Variants in CSPP1 observed in about 807,000 individuals in gnomAD.
The protein encoded by CSPP1 is centrosome and spindle pole-associated protein 1.
Under a neutral mutation model 164.4 loss-of-function variants are expected in CSPP1, and 126 were observed. The observed-to-expected ratio is 0.77, with a 90% CI of 0.66 to 0.89. The LOEUF is 0.89. CSPP1 is among the 40% of genes least tolerant of loss of function. The pLI, the probability that CSPP1 is intolerant of heterozygous loss-of-function variation, is 0.00. For synonymous variants in CSPP1, 472 were observed against 476.7 expected (o/e 0.99, Z 0.13); for missense variants, 1,395 against 1,449.8 (o/e 0.96, Z 0.61).
In CSPP1 at chr8:67,092,301, C is replaced by T. The variant is rs796629693; in HGVS notation, c.384+418C>T. Among the ~76,000 whole-genome samples, 7 of 152,284 alleles carry T rather than the reference C, an allele frequency of 4.6e-5. No individual in the cohort carries two copies. The East Asian group carries it at 9.6e-4, about 21-fold the overall frequency. On this transcript the variant is annotated intron_variant, in intron 5 of 30. Coordinates refer to ENST00000678616, the MANE Select transcript of CSPP1 (RefSeq NM_001382391.1). ...GTGATTCTGACACTCCATTAATACACGTCCATATTCCTTAGAGATGAAAGT... is the reference window on the plus strand; with the variant it reads ...GTGATTCTGACACTCCATTAATACATGTCCATATTCCTTAGAGATGAAAGT...
intron 5 of CSPP1, among the ~76,000 whole-genome samples, chr8:67,092,358 C>T (rs1811788451): frequency 6.6e-6 from 1 of 152,156 alleles, no homozygotes; most frequent in Non-Finnish European, 1.5e-5. Flanking sequence ...TGTAGTGACT[C>T]AGGTCTCACC....
intron 28 of CSPP1, among the ~76,000 whole-genome samples, chr8:67,183,398 A>G (rs1471165838): frequency 1.3e-5 from 2 of 152,250 alleles, no homozygotes; most frequent in African/African-American, 4.8e-5. Context: ...CAATCTGGGC[A>G]AGAAAACAAA....
At chr8:67,099,908 G>A (rs573165022) in intron 7 of CSPP1, among the ~76,000 whole-genome samples, 11 of 151,586 alleles carry the variant, frequency 7.3e-5, no homozygotes, top group African/African-American at 2.2e-4. Context: ...TTTTTTTTAG[G>A]TCTTACATTG....
At chr8:67,097,610 T>C (rs930048559) in intron 7 of CSPP1, among the ~76,000 whole-genome samples, 1 of 152,142 alleles carries the variant, frequency 6.6e-6, no homozygotes, top group South Asian at 2.1e-4. Context: ...TTTCCCTTTA[T>C]GGTGTTTGTT....
intron 3 of CSPP1, among the ~76,000 whole-genome samples, chr8:67,085,323 G>T (rs1810157671): frequency 6.6e-6 from 1 of 150,888 alleles, no homozygotes; most frequent in African/African-American, 2.4e-5. Flanking sequence ...AACTTTAGAA[G>T]TTTTTAGGAA....
At chr8:67,076,864 T>TGA (rs150167534) in intron 3 of CSPP1, among the ~76,000 whole-genome samples, 1 of 151,670 alleles carries the variant, frequency 6.6e-6, no homozygotes, top group Non-Finnish European at 1.5e-5. Context: ...TTTGTGTGTG[T>TGA]GAGAGAGAGA....
intron 14 of CSPP1, 34 bp downstream of exon 14, chr8:67,118,403 G>A (rs377045364): frequency 1.1e-4 from 184 of 1,606,810 alleles, no homozygotes; most frequent in Middle Eastern, 3.3e-4. Context: ...TTTTCTCCCC[G>A]CTTGGCTCAA....
intron 16 of CSPP1, among the ~76,000 whole-genome samples, chr8:67,132,378 GGA>G (rs1821404193): frequency 6.6e-6 from 1 of 152,170 alleles, no homozygotes; most frequent in Non-Finnish European, 1.5e-5. Flanking sequence ...AGAAGGGGCT[GGA>G]GAGTTAGTTA....
At chr8:67,076,172 A>G (rs950361923) in intron 2 of CSPP1, among the ~76,000 whole-genome samples, 5 of 151,942 alleles carry the variant, frequency 3.3e-5, no homozygotes, top group East Asian at 1.9e-4. Context: ...TGTCCCCCCA[A>G]TAGTTTATAA....
chr8:67,150,662 A>G (rs1825539513), intron 18 of CSPP1, among the ~76,000 whole-genome samples: 1 of 152,122 alleles, frequency 6.6e-6, no homozygotes. Flanking sequence ...CCACCTCCCA[A>G]AGTGCCGGGA....
intron 24 of CSPP1, among the ~76,000 whole-genome samples, chr8:67,167,369 G>A (rs1453036169): frequency 1.3e-5 from 2 of 150,274 alleles, no homozygotes; most frequent in African/African-American, 2.4e-5. Flanking sequence ...CCTCCCACCC[G>A]GACGGGGCAG....
chr8:67,092,905 AG>A (rs1254422147), intron 5 of CSPP1, among the ~76,000 whole-genome samples: 2 of 152,220 alleles, frequency 1.3e-5, no homozygotes, highest in African/African-American at 4.8e-5. Flanking sequence ...TAAAATATAA[AG>A]GATCATTTTT....
chr8:67,165,749 A>G (rs777700963), intron 24 of CSPP1, among the ~76,000 whole-genome samples: 1 of 152,222 alleles, frequency 6.6e-6, no homozygotes, highest in Non-Finnish European at 1.5e-5. Flanking sequence ...TATCCACATG[A>G]TACCTCTGGA....
chr8:67,188,630 G>A (rs1015279862), intron 28 of CSPP1, among the ~76,000 whole-genome samples: 1 of 151,990 alleles, frequency 6.6e-6, no homozygotes, highest in Non-Finnish European at 1.5e-5. Context: ...TGTTTGTTAC[G>A]GCTCGAGCTG....
Position 67,175,380 on chromosome 8 carries a change from T to C in CSPP1, c.3053T>C (p.Leu1018Pro). ...ACCTTAGAGATTCAGCAGCAAGCCC[T>C]GCTAAGAGAGCAGCAGAAGAGGCTG... Reference protein sequence around the residue: ...HHTLEIQQQALLREQQKRLNR... With the variant: ...HHTLEIQQQAPLREQQKRLNR... The change falls in exon 26 of 31, where the codon CTG becomes CCG. Residue 1018 changes from leucine to proline, a missense_variant. Physicochemically the swap from Leu to Pro is moderately conservative, Grantham distance 98. Transcript: ENST00000678616. 6.2e-7 allele frequency: 1 copy of C among 1,614,216 alleles called. No individual in the cohort carries two copies. The highest frequency in any genetic ancestry group is 8.5e-7 in the Non-Finnish European group (1 of 1,180,026).
At chr8:67,146,251 G>C (rs941991218) in intron 17 of CSPP1, among the ~76,000 whole-genome samples, 2 of 150,868 alleles carry the variant, frequency 1.3e-5, no homozygotes, top group Admixed American at 1.3e-4. Context: ...GCTCCCCCAA[G>C]TAGCAAGGAC....
chr8:67,153,916 CTTTT>C, intron 18 of CSPP1, 104 bp from the exon 19 acceptor site: 2 of 457,550 alleles, frequency 4.4e-6, no homozygotes. Context: ...AATCTTTGGA[CTTTT>C]TTTTTTTTTA....
At chr8:67,108,001 TG>T (rs1393423059) in intron 9 of CSPP1, among the ~76,000 whole-genome samples, 2 of 150,462 alleles carry the variant, frequency 1.3e-5, no homozygotes, top group African/African-American at 4.9e-5. Flanking sequence ...TTTTTTTTTT[TG>T]TTTGGGTGGC....
intron 1 of CSPP1, among the ~76,000 whole-genome samples, chr8:67,073,616 A>C (rs1020133047): frequency 3.3e-5 from 5 of 152,210 alleles, no homozygotes; most frequent in African/African-American, 1.2e-4. Context: ...TAGATTAAAA[A>C]ATCAGTGTTA....
Sources: gnomAD v4.1 joint callset for allele counts (sites outside exome capture counted in the v4.1 genomes callset) on GRCh38, gnomAD v4.1.1 for gene constraint, MANE v1.5 for transcripts, NCBI Gene and HGNC (gene_info 2026-07-23, HGNC 2026-07-21) for gene names.